The following ZFYVE26 variants were observed in gnomAD, a reference collection of about 807,000 sequenced individuals.
ZFYVE26 encodes zinc finger FYVE-type containing 26.
A neutral mutation model predicts 276.5 loss-of-function variants in ZFYVE26; 181 were observed. The observed-to-expected ratio is 0.65, with a 90% CI of 0.58 to 0.74. ZFYVE26 has a LOEUF of 0.74. Among genes scored for constraint, ZFYVE26 ranks in the 30% least tolerant of loss-of-function variants. The pLI is 0.00. For synonymous variants in ZFYVE26, 1,129 were observed against 1,203.1 expected (o/e 0.94, Z 1.27); for missense variants, 2,821 against 3,097.9 (o/e 0.91, Z 2.12).
At chr14:67,751,346 C>A (rs763848459) in intron 40 of ZFYVE26, 1 of 564,828 alleles carries the variant, frequency 1.8e-6, no homozygotes, top group Non-Finnish European at 3.2e-6. Flanking sequence ...GGCCAGTTCA[C>A]CCCTCCTTAG....
chr14:67,782,697 C>T (rs937354920), intron 21 of ZFYVE26, 83 bp downstream of exon 21: 44 of 1,584,814 alleles, frequency 2.8e-5, no homozygotes, highest in South Asian at 4.4e-5. Flanking sequence ...CTAGAGTTAC[C>T]GTGAGGATTA....
In ZFYVE26 at chr14:67,761,423, G is replaced by A. The variant is rs1388141732; in HGVS notation, c.6531C>T (p.Ile2177=). The A allele has an allele frequency of 6.2e-7, 1 of 1,614,144 alleles. No individual in the cohort carries two copies. The highest frequency in any genetic ancestry group is 8.5e-7 in the Non-Finnish European group (1 of 1,179,996). ...LHNYSTNLAI[I]SFYVRHSCLR... ...GGCAGCTGTGCCTCACGTAGAAGCT[G>A]ATGATGGCCAGGTTGGTGCTATAGT... Residue 2177 remains isoleucine, a synonymous_variant, in exon 35 of 42, where the codon ATC becomes ATT. Transcript: ENST00000347230.
chr14:67,774,209 A>G (rs1299067674), intron 27 of ZFYVE26, among the ~76,000 whole-genome samples: 1 of 152,226 alleles, frequency 6.6e-6, no homozygotes. Flanking sequence ...TTCAACCTCT[A>G]TATAACAGTG....
Position 67,748,415 on chromosome 14 carries a change from TC to T in ZFYVE26, c.*20del. On this transcript the variant is annotated 3_prime_UTR_variant, in exon 42 of 42. Transcript: ENST00000347230. ...GTTGCCCAGCTCTCAGGCCACGTGT[TC>T]CTGGCCCCACTGCCCAAGGTCACTT... 1.9e-6 allele frequency: 3 copies of T among 1,610,640 alleles called. No homozygotes were observed. The highest frequency in any genetic ancestry group is 2.5e-6 in the Non-Finnish European group (3 of 1,179,486).
At chr14:67,786,528 T>C (rs1247914737) in intron 16 of ZFYVE26, among the ~76,000 whole-genome samples, 1 of 152,240 alleles carries the variant, frequency 6.6e-6, no homozygotes, top group Non-Finnish European at 1.5e-5. Context: ...TGGTACTGCC[T>C]TCAGTTGTAC....
intron 30 of ZFYVE26, among the ~76,000 whole-genome samples, chr14:67,768,169 C>T (rs780837584): frequency 6.6e-6 from 1 of 152,114 alleles, no homozygotes; most frequent in Non-Finnish European, 1.5e-5. Context: ...AGATACAGGC[C>T]AAACTGTTAA....
Position 67,776,027 on chromosome 14 carries a change from A to G in ZFYVE26, c.5054T>C (p.Leu1685Pro). 1 of 1,614,240 alleles carries G rather than the reference A, an allele frequency of 6.2e-7. No homozygotes were observed. The highest frequency in any genetic ancestry group is 2.2e-5 in the East Asian group (1 of 44,890). ...SSNPLFMLEQLLMNMKVDWAT... is the reference protein window; with the variant it reads ...SSNPLFMLEQPLMNMKVDWAT... The stretch of plus-strand genomic sequence containing the variant: ...CCAATCCACCTTCATGTTCATAAGC[A>G]GCTGCTCCAGCATGAACAGGGGGTT... The change falls in exon 26 of 42, where the codon CTG becomes CCG. Residue 1685 changes from leucine to proline, a missense_variant. Physicochemically the swap from Leu to Pro is moderately conservative, Grantham distance 98. Coordinates refer to ENST00000347230, the MANE Select transcript of ZFYVE26 (RefSeq NM_015346.4).
intron 35 of ZFYVE26, among the ~76,000 whole-genome samples, chr14:67,760,111 T>C (rs1181747039): frequency 6.6e-6 from 1 of 152,188 alleles, no homozygotes; most frequent in Non-Finnish European, 1.5e-5. Flanking sequence ...TATACCAAGC[T>C]AATGAAGTAA....
chr14:67,809,834 G>A (rs1026611190), intron 3 of ZFYVE26, among the ~76,000 whole-genome samples: 7 of 147,726 alleles, frequency 4.7e-5, no homozygotes, highest in African/African-American at 1.5e-4. Context: ...GCCCAGGCTG[G>A]AGTGTAGTGG....
At chr14:67,761,640 A>G (rs751494283) in intron 34 of ZFYVE26, 56 bp from the exon 35 acceptor site, 19 of 1,495,218 alleles carry the variant, frequency 1.3e-5, no homozygotes, top group Non-Finnish European at 1.6e-5. Context: ...CTCAGCAGGC[A>G]CTGAAAATAT....
chr14:67,765,086 C>T (rs1414080598), intron 32 of ZFYVE26, among the ~76,000 whole-genome samples: 1 of 151,134 alleles, frequency 6.6e-6, no homozygotes, highest in African/African-American at 2.4e-5. Flanking sequence ...TTATTCTTTT[C>T]ATGGTTATTT....
At chr14:67,777,843 C>T in intron 24 of ZFYVE26, 108 bp from the exon 25 acceptor site, 6 of 1,428,840 alleles carry the variant, frequency 4.2e-6, no homozygotes, top group Admixed American at 1.7e-5. Flanking sequence ...TTGGACTAAC[C>T]CTTTCTCTAT....
At position 67,790,600 on chromosome 14, in the gene ZFYVE26, T is replaced by C. The variant is rs1594922354; in HGVS notation, c.2727A>G (p.Leu909=). The C allele has an allele frequency of 6.2e-7, 1 of 1,613,974 alleles. No individual in the cohort carries two copies. The highest frequency in any genetic ancestry group is 8.5e-7 in the Non-Finnish European group (1 of 1,179,986). Residue 909 remains leucine (L), a synonymous_variant, in exon 15 of 42, where the codon CTA becomes CTG. Coordinates refer to ENST00000347230, the MANE Select transcript of ZFYVE26 (RefSeq NM_015346.4). ...CTGCTGCAGCGCTGCCAATGGCCTG[T>C]AGAGTTGAGCGGCCACTGCCAGTTC... ...IRRTGSGRST[L]QAIGSAAAAG... is the part of the protein sequence containing the mutation.
At chr14:67,791,655 T>C (rs1461311868) in intron 14 of ZFYVE26, among the ~76,000 whole-genome samples, 6 of 148,176 alleles carry the variant, frequency 4.0e-5, no homozygotes, top group Admixed American at 2.0e-4. Context: ...AAGTTTTTAT[T>C]GAAAAAAAAA....
Position 67,793,654 on chromosome 14 carries a change from A to C in ZFYVE26, c.2507T>G (p.Leu836Arg). ...IPMMFSPPES[L>R]LASCILRGNF... ...CCCGCGAAGGATGCAGGATGCCAGC[A>C]GTGACTCAGGTGGGGAGAACATCAT... The change falls in exon 14 of 42, where the codon CTG (leucine) becomes CGG (arginine). Residue 836 changes from leucine (L) to arginine (R), a missense_variant. Leu to Arg is a moderately radical substitution (Grantham distance 102, BLOSUM62 -2). Coordinates refer to ENST00000347230, the MANE Select transcript of ZFYVE26 (RefSeq NM_015346.4). The C allele has an allele frequency of 6.2e-7, 1 of 1,613,886 alleles. No homozygotes were observed. The highest frequency in any genetic ancestry group is 8.5e-7 in the Non-Finnish European group (1 of 1,179,866).
At chr14:67,783,556 G>C (rs757582717) in intron 20 of ZFYVE26, 31 bp from the exon 21 acceptor site, 13 of 1,608,034 alleles carry the variant, frequency 8.1e-6, no homozygotes, top group Non-Finnish European at 8.5e-7. Context: ...AGCATACAAG[G>C]CCTGAATACA....
At chr14:67,802,036 T>G in intron 10 of ZFYVE26, 43 bp downstream of exon 10, 1 of 1,603,774 alleles carries the variant, frequency 6.2e-7, no homozygotes, top group Non-Finnish European at 8.5e-7. Context: ...CACTGGCATG[T>G]GTTGTTATCA....
rs1566890132 is a variant in ZFYVE26 at position 67,793,709 on chromosome 14, G to A, written c.2452C>T (p.His818Tyr). The change falls in exon 14 of 42, where the codon CAC becomes TAC. Residue 818 changes from histidine to tyrosine, a missense_variant. Physicochemically the swap from His to Tyr is moderately conservative, Grantham distance 83. Transcript: ENST00000347230. The part of the protein sequence containing the change: ...SGRNELHSRL[H>Y]PHPQSSLIPM... ...ATGAGTGAACTTTGAGGATGGGGGT[G>A]CAATCTACTGTGCAGCTCATTCCGG... 1 of 1,613,922 alleles carries A rather than the reference G, an allele frequency of 6.2e-7. No homozygotes were observed. Among genetic ancestry groups the A allele is most frequent in the Non-Finnish European group, 8.5e-7 (1 of 1,179,908 alleles).
rs765067264 is a variant in ZFYVE26, at chr14:67,766,258, C to T, written c.5980G>A (p.Gly1994Ser). 47 of 1,613,898 alleles carry T rather than the reference C, an allele frequency of 2.9e-5. No homozygotes were observed. Among genetic ancestry groups the T allele is most frequent in the Middle Eastern group, 3.3e-4 (2 of 5,974 alleles). The change falls in exon 32 of 42, where the codon GGC becomes AGC. Residue 1994 changes from glycine (G) to serine (S), a missense_variant. Gly to Ser is a moderately conservative substitution (Grantham distance 56, BLOSUM62 0). Coordinates refer to ENST00000347230, the MANE Select transcript of ZFYVE26 (RefSeq NM_015346.4). ...FSAKMMFVKA[G>S]QSQDLALCDS... Reference sequence around the variant, plus strand: ...CAAAGAGCCAAGTCTTGGCTCTGGCCGGCTTTGACGAACATCATCTTGGCG... The same window carrying T: ...CAAAGAGCCAAGTCTTGGCTCTGGCTGGCTTTGACGAACATCATCTTGGCG...
Sources: gnomAD v4.1 joint callset for allele counts (sites outside exome capture counted in the v4.1 genomes callset) on GRCh38, gnomAD v4.1.1 for gene constraint, MANE v1.5 for transcripts, NCBI Gene and HGNC (gene_info 2026-07-23, HGNC 2026-07-21) for gene names.